Variants in BTBD9 observed in about 807,000 individuals in gnomAD.
BTBD9 encodes the protein BTB domain containing 9, also known as BTB/POZ domain-containing protein 9.
BTBD9 carries 49 observed loss-of-function variants against 64.3 expected under a neutral mutation model. The observed-to-expected ratio is 0.76, with a 90% confidence interval of 0.61 to 0.97. The LOEUF (loss-of-function observed/expected upper bound fraction) is 0.97. Among genes scored for constraint, BTBD9 ranks in the 50% least tolerant of loss-of-function variants. BTBD9 has a pLI of 0.00. For missense variants in BTBD9, 598 were observed against 762.1 expected (o/e 0.78, Z 2.53); for synonymous variants, 260 against 274.7 (o/e 0.95, Z 0.53).
chr6:38,343,698 A>G (rs1764183782), intron 7 of BTBD9, among the ~76,000 whole-genome samples: 1 of 152,206 alleles, frequency 6.6e-6, no homozygotes, highest in Non-Finnish European at 1.5e-5. Flanking sequence ...ACAAATTATT[A>G]ATATTTATAT....
intron 7 of BTBD9, among the ~76,000 whole-genome samples, chr6:38,301,321 C>T (rs1420640618): frequency 6.6e-6 from 1 of 152,076 alleles, no homozygotes; most frequent in African/African-American, 2.4e-5. Flanking sequence ...CTAAAATTCT[C>T]GTTTTTTGTT....
chr6:38,494,199 G>GT (rs1719987625), intron 6 of BTBD9, among the ~76,000 whole-genome samples: 1 of 152,220 alleles, frequency 6.6e-6, no homozygotes, highest in South Asian at 2.1e-4. Context: ...ATCTTTTCAT[G>GT]TTGAATGGTG....
intron 1 of BTBD9, among the ~76,000 whole-genome samples, chr6:38,602,203 G>T (rs1312889738): frequency 6.6e-6 from 1 of 151,976 alleles, no homozygotes; most frequent in Non-Finnish European, 1.5e-5. Flanking sequence ...TCAATAAAAG[G>T]TATTGGCTAG....
intron 9 of BTBD9, among the ~76,000 whole-genome samples, chr6:38,230,821 A>T (rs1763581717): frequency 1.3e-5 from 2 of 152,134 alleles, no homozygotes; most frequent in Admixed American, 1.3e-4. Flanking sequence ...TTCAGTTCAA[A>T]TGTCACTTTC....
At chr6:38,199,600 G>A (rs1053787681) in intron 9 of BTBD9, among the ~76,000 whole-genome samples, 1 of 152,212 alleles carries the variant, frequency 6.6e-6, no homozygotes, top group Admixed American at 6.5e-5. Context: ...AAGTAGACTT[G>A]GAGGAACACA....
At chr6:38,296,248 T>C (rs1762155961) in intron 7 of BTBD9, among the ~76,000 whole-genome samples, 1 of 152,148 alleles carries the variant, frequency 6.6e-6, no homozygotes, top group Non-Finnish European at 1.5e-5. Flanking sequence ...TTCAGGAAAA[T>C]TTTTTATTTT....
At chr6:38,443,986 A>G (rs1337839602) in intron 6 of BTBD9, among the ~76,000 whole-genome samples, 1 of 152,136 alleles carries the variant, frequency 6.6e-6, no homozygotes, top group Admixed American at 6.5e-5. Context: ...CATCAGTGTG[A>G]CCTAATCTGC....
chr6:38,626,442 C>T (rs1778171648), intron 1 of BTBD9, among the ~76,000 whole-genome samples: 1 of 152,002 alleles, frequency 6.6e-6, no homozygotes, highest in Non-Finnish European at 1.5e-5. Flanking sequence ...TGTTTGTACC[C>T]ATTAACCGTC....
At chr6:38,581,209 A>G (rs1776272184) in intron 4 of BTBD9, among the ~76,000 whole-genome samples, 2 of 152,206 alleles carry the variant, frequency 1.3e-5, no homozygotes, top group South Asian at 2.1e-4. Flanking sequence ...AAAAAAATCT[A>G]CTAAACAAAA....
intron 6 of BTBD9, among the ~76,000 whole-genome samples, chr6:38,362,566 CA>C (rs1237813859): frequency 6.6e-6 from 1 of 152,122 alleles, no homozygotes; most frequent in Non-Finnish European, 1.5e-5. Context: ...TCCCAAAGAA[CA>C]AATAATTTTC....
intron 6 of BTBD9, among the ~76,000 whole-genome samples, chr6:38,441,526 C>T (rs1769033866): frequency 6.6e-6 from 1 of 152,084 alleles, no homozygotes; most frequent in African/African-American, 2.4e-5. Flanking sequence ...GATGTTCCCA[C>T]CTCAGCTTCG....
intron 6 of BTBD9, among the ~76,000 whole-genome samples, chr6:38,378,335 C>T (rs988210438): frequency 1.3e-5 from 2 of 151,356 alleles, no homozygotes; most frequent in Non-Finnish European, 2.9e-5. Context: ...CCTCCACCTC[C>T]TAGGTTTAAA....
At chr6:38,509,296 A>G (rs1772676461) in intron 6 of BTBD9, among the ~76,000 whole-genome samples, 1 of 152,220 alleles carries the variant, frequency 6.6e-6, no homozygotes, top group African/African-American at 2.4e-5. Context: ...TAAGAATGAA[A>G]TTTCTATTTT....
chr6:38,299,361 G>A (rs1169237073), intron 7 of BTBD9, among the ~76,000 whole-genome samples: 1 of 152,106 alleles, frequency 6.6e-6, no homozygotes, highest in East Asian at 1.9e-4. Context: ...TAGTCATTTG[G>A]GTATATACCC....
At chr6:38,380,145 A>T (rs78412058) in intron 6 of BTBD9, among the ~76,000 whole-genome samples, 5,244 of 152,270 alleles carry the variant, frequency 0.034, 178 homozygotes, top group East Asian at 0.11. Flanking sequence ...TAATAAAAAT[A>T]AAAAAATTGT....
Position 38,257,492 on chromosome 6 carries a change from G to T in BTBD9, c.1455-976C>A, listed in dbSNP as rs115435422. 4.8e-3 allele frequency among the ~76,000 whole-genome samples: 732 copies of T among 152,114 alleles called. 9 individuals are homozygous for T. The highest frequency in any genetic ancestry group is 0.017 in the African/African-American group (700 of 41,490). On this transcript the variant is annotated intron_variant, in intron 8 of 10. Coordinates refer to ENST00000481247, the MANE Select transcript of BTBD9 (RefSeq NM_001099272.2). ...GATTACAGGTGTGAGCCGCTGTGCT[G>T]GTCTAATTGATATTTCTTATAGTAT...
chr6:38,552,780 G>A (rs1774868404), intron 6 of BTBD9, among the ~76,000 whole-genome samples: 3 of 151,796 alleles, frequency 2.0e-5, no homozygotes, highest in Admixed American at 2.0e-4. Context: ...AAAGAGGGCT[G>A]TATGGCTGCA....
At chr6:38,631,572 T>A (rs1245342466) in intron 1 of BTBD9, among the ~76,000 whole-genome samples, 1 of 152,212 alleles carries the variant, frequency 6.6e-6, no homozygotes, top group Admixed American at 6.5e-5. Context: ...TGACATGTTA[T>A]AAGGATACTC....
intron 7 of BTBD9, among the ~76,000 whole-genome samples, chr6:38,328,396 C>A (rs150778544): frequency 7.2e-5 from 11 of 152,046 alleles, no homozygotes; most frequent in Non-Finnish European, 1.5e-4. Context: ...ACACCACAGG[C>A]CACTCAGACA....
Sources: allele counts gnomAD v4.1 joint callset (sites outside exome capture counted in the v4.1 genomes callset), GRCh38; gene constraint gnomAD v4.1.1; transcripts MANE v1.5; gene names NCBI Gene and HGNC (gene_info 2026-07-23, HGNC 2026-07-21).